Variants in OVCH2 observed in about 807,000 individuals in gnomAD.
OVCH2 encodes ovochymase-2.
A neutral mutation model predicts 73.7 loss-of-function variants in OVCH2; 88 were observed. The observed-to-expected ratio is 1.19, with a 90% confidence interval of 1.01 to 1.43. OVCH2 has a LOEUF of 1.43. OVCH2 is among the 40% of genes most tolerant of loss of function. The probability of loss-of-function intolerance (pLI) is 0.00; values close to 1 mark genes in which losing one functional copy is unlikely to be tolerated. For missense variants in OVCH2, 706 were observed against 674.5 expected (o/e 1.05, Z -0.52); for synonymous variants, 265 against 234.5 (o/e 1.13, Z -1.19).
rs917407452 is a variant in OVCH2, at chr11:7,691,535, T to C, written c.1508-135A>G. 12 of 1,213,740 alleles carry C rather than the reference T, an allele frequency of 9.9e-6. No individual in the cohort carries two copies. The African/African-American group carries it at 1.2e-4, about 12-fold the overall frequency. 75.2% of individuals were successfully genotyped at this position (1,213,740 alleles called of 1,614,324 possible). ...CGCTTTTCACAATTCATTTTCTAAA[T>C]AAAGGCAGCTCACTCCTTAATTAAC... On this transcript the variant is annotated intron_variant, in intron 13 of 15. Transcript: ENST00000533663.
At chr11:7,684,330 C>T in the OVCH2 span, among the ~76,000 whole-genome samples, 2 of 152,024 alleles carry the variant, frequency 1.3e-5, no homozygotes, top group South Asian at 2.1e-4. Context: ...CTTGTTGAGT[C>T]GGGAACTCAT....
intron 11 of OVCH2, 50 bp from the exon 12 acceptor site, chr11:7,695,238 G>A (rs994384313): frequency 1.3e-6 from 2 of 1,505,538 alleles, no homozygotes; most frequent in Non-Finnish European, 8.9e-7. Context: ...AAATAAAGAA[G>A]AATTCTCACT....
In OVCH2 at chr11:7,703,762, T is replaced by C. The variant is rs755093177; in HGVS notation, c.226A>G (p.Ile76Val). The change falls in exon 3 of 16, where the codon ATT becomes GTT. Residue 76 changes from isoleucine to valine, a missense_variant. Coordinates refer to ENST00000533663, the MANE Select transcript of OVCH2 (RefSeq NM_198185.7). ...GGTGAGACGATGCTTCCTCCACAAA[T>C]ATGCTTCTGCCTTTGTTTCAGAGAT... is the stretch of plus-strand genomic sequence containing the variant. ...QVSLKQRQKH[I>V]CGGSIVSPQW... The C allele has an allele frequency of 1.9e-6, 3 of 1,609,816 alleles. No individual in the cohort carries two copies. The highest frequency in any genetic ancestry group is 2.5e-6 in the Non-Finnish European group (3 of 1,178,106).
At chr11:7,698,962 T>C in intron 7 of OVCH2, 189 bp from the exon 8 acceptor site, 1 of 552,344 alleles carries the variant, frequency 1.8e-6, no homozygotes, top group Non-Finnish European at 3.2e-6. Context: ...TTTAAAATGA[T>C]TTAATTCTCT....
chr11:7,699,561 G>A (rs1050819642), intron 7 of OVCH2: 1 of 152,096 alleles, frequency 6.6e-6, no homozygotes, highest in Non-Finnish European at 1.5e-5. Context: ...CATTATTATT[G>A]TACTGTTATT....
intron 8 of OVCH2, among the ~76,000 whole-genome samples, chr11:7,697,875 A>G (rs1324961723): frequency 6.6e-6 from 1 of 152,176 alleles, no homozygotes; most frequent in Non-Finnish European, 1.5e-5. Context: ...GTTCAAACCT[A>G]CTTATCTAAT....
At chr11:7,700,020 A>G (rs1310522432) in intron 7 of OVCH2, 11 of 360,554 alleles carry the variant, frequency 3.1e-5, no homozygotes, top group Admixed American at 1.7e-4. Flanking sequence ...TGGTGAAAGC[A>G]TATCATCAAC....
At chr11:7,690,687 C>T (rs1043232066) in intron 14 of OVCH2, among the ~76,000 whole-genome samples, 3 of 152,100 alleles carry the variant, frequency 2.0e-5, no homozygotes, top group African/African-American at 7.2e-5. Context: ...CACGTTTCCA[C>T]ACGAGGTAAA....
At chr11:7,687,325 A>G (rs533525837), downstream of OVCH2, among the ~76,000 whole-genome samples, 17 of 150,352 alleles carry the variant, frequency 1.1e-4, no homozygotes, top group African/African-American at 4.1e-4. Context: ...AATAATAATA[A>G]TAATAATAAT....
At chr11:7,694,110 C>T (rs1300111213) in intron 12 of OVCH2, among the ~76,000 whole-genome samples, 1 of 152,184 alleles carries the variant, frequency 6.6e-6, no homozygotes, top group Non-Finnish European at 1.5e-5. Flanking sequence ...CTCCTCTCCC[C>T]TTTATTTTCT....
At chr11:7,684,998 G>A (rs1039403916), downstream of OVCH2, among the ~76,000 whole-genome samples, 4 of 152,184 alleles carry the variant, frequency 2.6e-5, no homozygotes, top group African/African-American at 9.7e-5. Context: ...TGAAAAAATA[G>A]TTTCATTAAA....
chr11:7,704,107 T>A (rs1856491823), intron 2 of OVCH2, among the ~76,000 whole-genome samples: 1 of 152,168 alleles, frequency 6.6e-6, no homozygotes, highest in Non-Finnish European at 1.5e-5. Context: ...TCTAACAATA[T>A]GAACAGTGTC....
At chr11:7,691,463 A>G in intron 13 of OVCH2, 63 bp from the exon 14 acceptor site, 1 of 1,535,204 alleles carries the variant, frequency 6.5e-7, no homozygotes, top group South Asian at 1.2e-5. Context: ...ATGGCATTGG[A>G]GAGAAGAAAA....
chr11:7,691,469 G>GA, intron 13 of OVCH2, 69 bp from the exon 14 acceptor site: 2 of 1,512,316 alleles, frequency 1.3e-6, no homozygotes, highest in Non-Finnish European at 1.8e-6. Flanking sequence ...TTGGAGAGAA[G>GA]AAAAAAAGAA....
chr11:7,702,079 A>C, intron 4 of OVCH2, 78 bp downstream of exon 4: 131 of 1,203,992 alleles, frequency 1.1e-4, no homozygotes, highest in Non-Finnish European at 1.5e-4. Flanking sequence ...CAGAACGTAT[A>C]CTGCAGGAAA....
intron 6 of OVCH2, 123 bp downstream of exon 6, chr11:7,701,201 A>T: frequency 7.9e-7 from 1 of 1,259,856 alleles, no homozygotes; most frequent in African/African-American, 1.5e-5. Context: ...ACTATTCTTT[A>T]TTCTACCCCT....
chr11:7,695,389 C>A (rs1856309822), intron 11 of OVCH2, among the ~76,000 whole-genome samples, 181 bp downstream of exon 11: 1 of 152,168 alleles, frequency 6.6e-6, no homozygotes, highest in South Asian at 2.1e-4. Flanking sequence ...TACGAGCTAG[C>A]AGGGTGAACT....
chr11:7,689,456 T>C lies in OVCH2; in HGVS notation c.*178A>G. Reference sequence around the variant, plus strand: ...ACTAGGTGGCTTAGAACAACAGAAATTTATTGTCTCATAGTTCTGGAGGCT... The same window carrying C: ...ACTAGGTGGCTTAGAACAACAGAAACTTATTGTCTCATAGTTCTGGAGGCT... On this transcript the variant is annotated 3_prime_UTR_variant, in exon 16 of 16. Coordinates refer to ENST00000533663, the MANE Select transcript of OVCH2 (RefSeq NM_198185.7). The C allele has an allele frequency of 3.2e-6, 1 of 316,432 alleles. No homozygotes were observed. The allele number at this position is 316,432 out of a possible 1,614,324, so 19.6% of individuals were successfully genotyped here.
At chr11:7,696,027 C>G (rs1364553883) in intron 10 of OVCH2, among the ~76,000 whole-genome samples, 1 of 152,296 alleles carries the variant, frequency 6.6e-6, no homozygotes, top group African/African-American at 2.4e-5. Context: ...AGCTGAGAAA[C>G]CACAGAAACA....
Sources: gnomAD v4.1 joint callset for allele counts (sites outside exome capture counted in the v4.1 genomes callset) on GRCh38, gnomAD v4.1.1 for gene constraint, MANE v1.5 for transcripts, NCBI Gene and HGNC (gene_info 2026-07-23, HGNC 2026-07-21) for gene names.